Variants in SLIT3 observed in about 807,000 individuals in gnomAD.
SLIT3 encodes the protein slit homolog 3 protein.
A neutral mutation model predicts 184.0 loss-of-function variants in SLIT3; 68 were observed. The observed-to-expected ratio is 0.37, with a 90% CI of 0.30 to 0.45. SLIT3 has a LOEUF of 0.45. Ranked by LOEUF, SLIT3 falls within the 20% of genes least tolerant of loss-of-function variation. The probability of loss-of-function intolerance (pLI) is 1.00; values close to 1 mark genes in which losing one functional copy is unlikely to be tolerated. For missense variants in SLIT3, 1,707 were observed against 2,026.0 expected (o/e 0.84, Z 3.02); for synonymous variants, 831 against 828.6 (o/e 1.00, Z -0.05).
At chr5:169,245,186 C>G (rs1211046490) in intron 2 of SLIT3, among the ~76,000 whole-genome samples, 1 of 152,122 alleles carries the variant, frequency 6.6e-6, no homozygotes, top group Non-Finnish European at 1.5e-5. Context: ...CCAGCTCACC[C>G]TAGTAGAAAG....
chr5:168,717,827 A>C (rs1762792528), intron 23 of SLIT3, among the ~76,000 whole-genome samples: 1 of 151,928 alleles, frequency 6.6e-6, no homozygotes, highest in African/African-American at 2.4e-5. Context: ...CGTCCGGCTA[A>C]TTTTTTGTAG....
intron 3 of SLIT3, among the ~76,000 whole-genome samples, chr5:169,239,433 G>A (rs1166629863): frequency 1.3e-5 from 2 of 151,912 alleles, no homozygotes; most frequent in Non-Finnish European, 2.9e-5. Flanking sequence ...AGAATTTATT[G>A]CTAAAGCCAT....
intron 5 of SLIT3, among the ~76,000 whole-genome samples, chr5:168,867,119 G>C (rs1759330291): frequency 6.6e-6 from 1 of 152,192 alleles, no homozygotes; most frequent in African/African-American, 2.4e-5. Context: ...TTGCTAACAG[G>C]GCTCAGGAAC....
At chr5:168,817,251 G>C (rs67968410) in intron 8 of SLIT3, 49 bp downstream of exon 8, 267,047 of 1,557,208 alleles carry the variant, frequency 0.17, 25,140 homozygotes, top group South Asian at 0.3. Context: ...GGAGCTCATG[G>C]GTGGGTGGGT....
At position 168,696,476 on chromosome 5, in the gene SLIT3, G is replaced by GAGAGAGGTGGGTTGGGATGGC. The variant is rs1222142504; in HGVS notation, c.2943-66_2943-46dup. ...GAGAGCAGGGGAGTCAGGGGTCAGG[G>GAGAGAGGTGGGTTGGGATGGC]AGAGAGGTGGGTTGGGATGGCAGAG... On this transcript the variant is annotated intron_variant, in intron 27 of 35. Coordinates refer to ENST00000519560, the MANE Select transcript of SLIT3 (RefSeq NM_003062.4). 1.2e-5 allele frequency: 19 copies of GAGAGAGGTGGGTTGGGATGGC among 1,610,754 alleles called. No homozygotes were observed. In the South Asian group the frequency reaches 1.8e-4, roughly 15 times the overall value.
rs372687466 is a variant in SLIT3, at chr5:168,795,517, G to C, written c.997C>G (p.Leu333Val). ...ACAGGGGAAACTCACATTCGCTTCA[G>C]TTTCTTGTACTGGGTGAAGGCTCCT... ...PAGAFTQYKK[L>V]KRIDISKNQI... The change falls in exon 10 of 36, where the codon CTG (leucine) becomes GTG (valine). Residue 333 changes from leucine (L) to valine (V), a missense_variant. Coordinates refer to ENST00000519560, the MANE Select transcript of SLIT3 (RefSeq NM_003062.4). The C allele has an allele frequency of 6.2e-7, 1 of 1,613,318 alleles. No homozygotes were observed. Among genetic ancestry groups the C allele is most frequent in the Middle Eastern group, 1.7e-4 (1 of 6,056 alleles).
chr5:168,797,658 A>G (rs964891788), intron 9 of SLIT3, among the ~76,000 whole-genome samples: 8 of 152,230 alleles, frequency 5.3e-5, no homozygotes, highest in African/African-American at 1.9e-4. Flanking sequence ...AGAGCATCAC[A>G]GAACCAAATT....
At chr5:169,183,282 C>T (rs547118022) in intron 4 of SLIT3, among the ~76,000 whole-genome samples, 2 of 152,338 alleles carry the variant, frequency 1.3e-5, no homozygotes, top group East Asian at 1.9e-4. Flanking sequence ...ATTTTCCTCA[C>T]TCACTACTTT....
chr5:169,136,274 T>G (rs548882924), intron 4 of SLIT3, among the ~76,000 whole-genome samples: 2 of 152,284 alleles, frequency 1.3e-5, no homozygotes, highest in South Asian at 4.1e-4. Flanking sequence ...GTGGTGATTC[T>G]AAAGACTCAA....
chr5:168,768,690 T>A (rs183318534), intron 14 of SLIT3, among the ~76,000 whole-genome samples: 99 of 152,298 alleles, frequency 6.5e-4, no homozygotes, highest in African/African-American at 2.2e-3. Flanking sequence ...TCCATCACAG[T>A]CATTCCTCTA....
chr5:168,724,104 A>G (rs1763031835), intron 21 of SLIT3, among the ~76,000 whole-genome samples: 1 of 152,216 alleles, frequency 6.6e-6, no homozygotes. Context: ...CCCAATGTCC[A>G]TAGTTCCGAA....
At chr5:168,692,990 G>C (rs1761952266) in intron 28 of SLIT3, among the ~76,000 whole-genome samples, 1 of 152,196 alleles carries the variant, frequency 6.6e-6, no homozygotes, top group Admixed American at 6.5e-5. Flanking sequence ...GCAGGGGCAG[G>C]TGCAGCTGAG....
chr5:168,752,899 G>C (rs1201143432), intron 18 of SLIT3, 56 bp downstream of exon 18: 3 of 1,546,422 alleles, frequency 1.9e-6, no homozygotes, highest in African/African-American at 2.7e-5. Context: ...TGGGAGGAGA[G>C]AGCGCTGCAG....
At chr5:169,233,303 G>A (rs554654479) in intron 3 of SLIT3, among the ~76,000 whole-genome samples, 8 of 152,158 alleles carry the variant, frequency 5.3e-5, no homozygotes, top group African/African-American at 9.7e-5. Flanking sequence ...GATTATAGGC[G>A]TGAGCCACCG....
intron 3 of SLIT3, among the ~76,000 whole-genome samples, chr5:169,241,085 T>C (rs1050775764): frequency 8.5e-5 from 13 of 152,154 alleles, no homozygotes; most frequent in African/African-American, 2.7e-4. Flanking sequence ...TTTCTTGACA[T>C]TGACTTTTTT....
chr5:169,152,124 G>A (rs1020358961), intron 4 of SLIT3, among the ~76,000 whole-genome samples: 1 of 152,196 alleles, frequency 6.6e-6, no homozygotes, highest in South Asian at 2.1e-4. Context: ...ACCCAGAGAG[G>A]TCATGTGATT....
chr5:169,015,978 A>C (rs796968830), intron 4 of SLIT3, among the ~76,000 whole-genome samples: 10,807 of 111,172 alleles, frequency 0.097, 496 homozygotes, highest in East Asian at 0.22. Flanking sequence ...ACACACACAC[A>C]CACACACAAC....
chr5:168,799,590 A>T (rs1257237648), intron 9 of SLIT3, among the ~76,000 whole-genome samples: 4 of 152,330 alleles, frequency 2.6e-5, no homozygotes, highest in African/African-American at 9.6e-5. Context: ...GCAATACAGA[A>T]GTCAACATGA....
chr5:168,938,054 C>T (rs1389416637), intron 4 of SLIT3, among the ~76,000 whole-genome samples: 1 of 152,138 alleles, frequency 6.6e-6, no homozygotes, highest in African/African-American at 2.4e-5. Flanking sequence ...ATTACTTTTT[C>T]CTCAGAATAC....
Sources: gnomAD v4.1 joint callset for allele counts (sites outside exome capture counted in the v4.1 genomes callset) on GRCh38, gnomAD v4.1.1 for gene constraint, MANE v1.5 for transcripts, NCBI Gene and HGNC (gene_info 2026-07-23, HGNC 2026-07-21) for gene names.